Variants in CDCA7 observed in about 807,000 individuals in gnomAD.
CDCA7 encodes the protein cell division cycle-associated protein 7.
CDCA7 carries 28 observed loss-of-function variants against 54.0 expected under a neutral mutation model. The observed-to-expected ratio is 0.52, with a 90% CI of 0.38 to 0.71. CDCA7 has a LOEUF of 0.71. Ranked by LOEUF, CDCA7 falls within the 30% of genes least tolerant of loss-of-function variation. The pLI is 0.00. For missense variants in CDCA7, 484 were observed against 586.0 expected (o/e 0.83, Z 1.80); for synonymous variants, 180 against 208.2 (o/e 0.86, Z 1.16).
intron 9 of CDCA7, among the ~76,000 whole-genome samples, 173 bp from the exon 10 acceptor site, chr2:173,367,461 C>T (rs1686745197): frequency 6.6e-6 from 1 of 152,012 alleles, no homozygotes; most frequent in African/African-American, 2.4e-5. Context: ...TGGTGGTAAC[C>T]CGGGTGGGTG....
intron 2 of CDCA7, 51 bp from the exon 3 acceptor site, chr2:173,359,204 T>C: frequency 6.7e-7 from 1 of 1,499,052 alleles, no homozygotes; most frequent in South Asian, 1.2e-5. Flanking sequence ...GAAAATTGGT[T>C]CTTGAAAAAG....
intron 8 of CDCA7, 64 bp from the exon 9 acceptor site, chr2:173,367,086 G>A (rs1686738053): frequency 1.3e-6 from 2 of 1,527,108 alleles, no homozygotes; most frequent in Non-Finnish European, 1.8e-6. Context: ...TAAATGTAAT[G>A]TAGATAAGTT....
At position 173,367,057 on chromosome 2, in the gene CDCA7, T is replaced by C. The variant is rs369611157; in HGVS notation, c.1186-93T>C. The C allele has an allele frequency of 9.4e-5, 140 of 1,489,110 alleles. 3 individuals are homozygous for C. In the East Asian group the frequency reaches 2.0e-3, roughly 21 times the overall value. The allele number at this position is 1,489,110 out of a possible 1,614,324, so 92.2% of individuals were successfully genotyped here. A position where few individuals can be genotyped will look rare whatever the true frequency, so the allele number is the denominator to read the frequency against. On this transcript the variant is annotated intron_variant, in intron 8 of 9. Coordinates refer to ENST00000306721, the MANE Select transcript of CDCA7 (RefSeq NM_031942.5). ...TAATGCCTATTAATCATATAAATTT[T>C]TAACCATAAAGAAGGGGTTAAATGT... is the stretch of plus-strand genomic sequence containing the variant.
At position 173,366,612 on chromosome 2, in the gene CDCA7, C is replaced by T. The variant is rs1034862839; in HGVS notation, c.1185+180C>T. 1.3e-5 allele frequency among the ~76,000 whole-genome samples: 2 copies of T among 152,132 alleles called. No individual in the cohort carries two copies. The highest frequency in any genetic ancestry group is 4.8e-5 in the African/African-American group (2 of 41,412). On this transcript the variant is annotated intron_variant, in intron 8 of 9. Transcript: ENST00000306721. The surrounding 1 kb of genome is among the most constrained non-coding windows in gnomAD (Gnocchi z 4.5). ...GCAGTGCAGTGGCGCGATCTCAGCT[C>T]ACTGCAACCTCCTCCTCCTGGGTTC... is the stretch of plus-strand genomic sequence containing the variant.
rs1444911285 is a variant in CDCA7, at chr2:173,354,999, G to A, written c.21+15G>A. On this transcript the variant is annotated intron_variant, in intron 1 of 9. Transcript: ENST00000306721. ...GCCGCGTGCCGGTGAGGGCTGGGCG[G>A]GCGAACCCGAGGGGCGGGCGCGGTG... The A allele has an allele frequency of 7.2e-7, 1 of 1,385,362 alleles. No individual in the cohort carries two copies. 85.8% of individuals were successfully genotyped at this position (1,385,362 alleles called of 1,614,324 possible).
Position 173,366,859 on chromosome 2 carries a change from A to T in CDCA7, c.1186-291A>T, listed in dbSNP as rs939301512. ...CCACGCCCGGCCCAGGGTGCTCTTA[A>T]TTCAGAACACAAATGAATTCAGAGG... is the stretch of plus-strand genomic sequence containing the variant. On this transcript the variant is annotated intron_variant, in intron 8 of 9. Coordinates refer to ENST00000306721, the MANE Select transcript of CDCA7 (RefSeq NM_031942.5). The surrounding 1 kb of genome is among the most constrained non-coding windows in gnomAD (Gnocchi z 4.5). 3.9e-5 allele frequency among the ~76,000 whole-genome samples: 6 copies of T among 152,100 alleles called. No individual in the cohort carries two copies. Among genetic ancestry groups the T allele is most frequent in the African/African-American group, 1.4e-4 (6 of 41,424 alleles).
chr2:173,363,731 G>A (rs1475099775), intron 4 of CDCA7, 87 bp from the exon 5 acceptor site: 3 of 1,289,362 alleles, frequency 2.3e-6, no homozygotes, highest in Middle Eastern at 1.9e-4. Context: ...ACCATGAGAT[G>A]TACTTGAGTA....
Position 173,366,422 on chromosome 2 carries a change from T to C in CDCA7, c.1175T>C (p.Leu392Pro). 6.2e-7 allele frequency: 1 copy of C among 1,614,096 alleles called. No homozygotes were observed. Among genetic ancestry groups the C allele is most frequent in the Non-Finnish European group, 8.5e-7 (1 of 1,179,966 alleles). ...TATGGTGAAGAGGTCAGGGATGCTC[T>C]GCTGGATCCGGTAGGTGCCTGCCAG... Reference protein sequence around the residue: ...NRYGEEVRDALLDPNWHCPPC... With the variant: ...NRYGEEVRDAPLDPNWHCPPC... The change falls in exon 8 of 10, where the codon CTG (leucine) becomes CCG (proline). Residue 392 changes from leucine to proline, a missense_variant. By Grantham distance (98) the Leu-to-Pro change is moderately conservative. Around this residue, in one of 3 missense-constraint regions of CDCA7, gnomAD observed 83 missense variants for 122.3 expected, o/e 0.68. Transcript: ENST00000306721. This position sits in a 1 kb window ranked among gnomAD's most constrained non-coding sequence, Gnocchi z 4.5.
rs1432599939 is a variant in CDCA7, at chr2:173,368,509, T to C, written c.*845T>C. The stretch of plus-strand genomic sequence containing the variant: ...TGGACAATTTTGTATGGAAACTTGA[T>C]ATTAAAAACTAGTCTGTGGTTCTTT... On this transcript the variant is annotated 3_prime_UTR_variant, in exon 10 of 10. Coordinates refer to ENST00000306721, the MANE Select transcript of CDCA7 (RefSeq NM_031942.5). 6.6e-6 allele frequency: 1 copy of C among 152,244 alleles called. No individual in the cohort carries two copies. Among genetic ancestry groups the C allele is most frequent in the African/African-American group, 2.4e-5 (1 of 41,458 alleles). The allele number at this position is 152,244 out of a possible 1,614,324, so 9.4% of individuals were successfully genotyped here. A position where few individuals can be genotyped will look rare whatever the true frequency, so the allele number is the denominator to read the frequency against.
At chr2:173,363,719 A>G in intron 4 of CDCA7, 99 bp from the exon 5 acceptor site, 1 of 1,218,402 alleles carries the variant, frequency 8.2e-7, no homozygotes, top group Admixed American at 1.8e-5. Flanking sequence ...ATCAAATATA[A>G]AACCATGAGA....
intron 4 of CDCA7, 69 bp from the exon 5 acceptor site, chr2:173,363,749 G>A (rs2106391000): frequency 6.9e-7 from 1 of 1,445,916 alleles, no homozygotes; most frequent in East Asian, 2.3e-5. Context: ...GTATTTTCCA[G>A]AAGTTAGTTG....
intron 1 of CDCA7, among the ~76,000 whole-genome samples, chr2:173,355,650 TC>T (rs1216589143): frequency 1.3e-5 from 2 of 151,478 alleles, no homozygotes; most frequent in African/African-American, 4.8e-5. Flanking sequence ...GTTTCCTACT[TC>T]CTCCACCCCA....
Position 173,366,518 on chromosome 2 carries a change from G to A in CDCA7, c.1185+86G>A, listed in dbSNP as rs1235723632. On this transcript the variant is annotated intron_variant, in intron 8 of 9. Transcript: ENST00000306721. This position sits in a 1 kb window ranked among gnomAD's most constrained non-coding sequence, Gnocchi z 4.5. ...GCCAGAAAAAGGCATTGGTGAAGGG[G>A]TGGAGCCCTTTCTGTTATGGGGTGC... The A allele has an allele frequency of 1.3e-6, 2 of 1,531,308 alleles. No individual in the cohort carries two copies. The highest frequency in any genetic ancestry group is 2.8e-5 in the African/African-American group (2 of 71,896). 94.9% of individuals were successfully genotyped at this position (1,531,308 alleles called of 1,614,324 possible).
chr2:173,367,406 G>C (rs1416380614), intron 9 of CDCA7, 120 bp downstream of exon 9: 1 of 1,449,924 alleles, frequency 6.9e-7, no homozygotes, highest in Non-Finnish European at 9.6e-7. Context: ...TGACTGGAAC[G>C]GGGCACACTG....
chr2:173,356,799 T>C (rs1430937541), intron 1 of CDCA7, among the ~76,000 whole-genome samples: 4 of 152,152 alleles, frequency 2.6e-5, no homozygotes, highest in Non-Finnish European at 4.4e-5. Context: ...GCCACCCCCC[T>C]ACACATACAC....
rs778918232 is a variant in CDCA7 at position 173,358,740 on chromosome 2, TAAAG to T, written c.54_57del (p.Lys18AsnfsTer5). The stretch of plus-strand genomic sequence containing the variant: ...AAAGATCTCAGAGTAAAGAAGAACT[TAAAG>T]AAATTCAGATATGTGAAGTTGATTT... On this transcript the variant is annotated frameshift_variant, in exon 2 of 10. Coordinates refer to ENST00000306721, the MANE Select transcript of CDCA7 (RefSeq NM_031942.5). LOFTEE classifies it high-confidence loss of function. The T allele has an allele frequency of 3.1e-6, 5 of 1,613,940 alleles. No individual in the cohort carries two copies. Among genetic ancestry groups the T allele is most frequent in the South Asian group, 1.1e-5 (1 of 91,048 alleles).
chr2:173,366,269 TGG>T lies in CDCA7; in HGVS notation c.1036-13_1036-12del. 1 of 1,577,616 alleles carries T rather than the reference TGG, an allele frequency of 6.3e-7. No individual in the cohort carries two copies. The highest frequency in any genetic ancestry group is 1.9e-5 in the Admixed American group (1 of 51,374). On this transcript the variant is annotated splice_polypyrimidine_tract_variant and intron_variant, in intron 7 of 9. Transcript: ENST00000306721. This position sits in a 1 kb window ranked among gnomAD's most constrained non-coding sequence, Gnocchi z 4.5. Reference sequence around the variant, plus strand: ...TGGTTTTTTTTGTTTTTTTTCTTAATGGCTTATTTGTAGGGCTCTACTTGTCA... The same window carrying T: ...TGGTTTTTTTTGTTTTTTTTCTTAATCTTATTTGTAGGGCTCTACTTGTCA...
rs569938551 is a variant in CDCA7, at chr2:173,362,068, C to T, written c.385-1158C>T. Among the ~76,000 whole-genome samples, 10 of 152,310 alleles carry T rather than the reference C, an allele frequency of 6.6e-5. No homozygotes were observed. The East Asian group carries it at 1.3e-3, about 21-fold the overall frequency. ...CTGACGTCAGGTGATCCGCCTGCCC[C>T]GGCCTTCCAAAGTGCTGGGATTATA... On this transcript the variant is annotated intron_variant, in intron 3 of 9. Coordinates refer to ENST00000306721, the MANE Select transcript of CDCA7 (RefSeq NM_031942.5).
rs777875556 is a variant in CDCA7, at chr2:173,364,818, T to C, written c.723T>C (p.Arg241=). The C allele has an allele frequency of 1.9e-6, 3 of 1,609,588 alleles. No homozygotes were observed. The highest frequency in any genetic ancestry group is 2.5e-6 in the Non-Finnish European group (3 of 1,178,530). The change falls in exon 6 of 10, where the codon CGT becomes CGC. Residue 241 remains arginine (R), a synonymous_variant. Transcript: ENST00000306721. ...AGCAATCAAGGAGACCGCGAAGGCG[T>C]ACATTCCCGGGTGTTGCTTCCAGGA... ...SDSQSRRPRR[R]TFPGVASRRN...
Sources: allele counts gnomAD v4.1 joint callset (sites outside exome capture counted in the v4.1 genomes callset), GRCh38; gene constraint gnomAD v4.1.1; regional missense constraint gnomAD v4.1.1; non-coding constraint Gnocchi (gnomAD v3.1); transcripts MANE v1.5; gene names NCBI Gene and HGNC (gene_info 2026-07-23, HGNC 2026-07-21).